SLC71A1: variants seen among roughly 807,000 people sequenced by gnomAD.
SLC71A1 encodes hippocampus abundant gene transcript 1.
chr1:100,077,187 T>C, the SLC71A1 span: 5 of 1,512,180 alleles, frequency 3.3e-6, no homozygotes, highest in African/African-American at 7.0e-5. Flanking sequence ...AGTTTACTTA[T>C]GAGGTCAATT....
chr1:100,078,723 A>G, the SLC71A1 span: 1 of 511,028 alleles, frequency 2.0e-6, no homozygotes, highest in South Asian at 3.1e-5. Flanking sequence ...GTAGATACAT[A>G]TTCCCTTTTC....
the SLC71A1 span, among the ~76,000 whole-genome samples, chr1:100,067,771 C>G: frequency 6.6e-6 from 1 of 152,172 alleles, no homozygotes; most frequent in Non-Finnish European, 1.5e-5. Context: ...GATGGCACCA[C>G]TGCACTCCAG....
At chr1:100,077,793 GC>G in the SLC71A1 span, among the ~76,000 whole-genome samples, 2 of 152,156 alleles carry the variant, frequency 1.3e-5, no homozygotes, top group Non-Finnish European at 2.9e-5. Flanking sequence ...TTGTCAGGCT[GC>G]CCACGTAGAT....
At chr1:100,080,423 A>G in the SLC71A1 span, 2 of 1,201,344 alleles carry the variant, frequency 1.7e-6, no homozygotes, top group Non-Finnish European at 2.4e-6. Flanking sequence ...GTGATTTCAT[A>G]TTTGTACTGG....
At chr1:100,062,053 G>A in the SLC71A1 span, 6 of 669,648 alleles carry the variant, frequency 9.0e-6, no homozygotes, top group East Asian at 1.8e-4. Flanking sequence ...CAAGATTTTT[G>A]CGTAAAATAT....
the SLC71A1 span, chr1:100,080,354 T>A: frequency 1.5e-6 from 1 of 661,672 alleles, no homozygotes; most frequent in East Asian, 2.7e-5. Flanking sequence ...ATATTAATAG[T>A]TTTTAATGAC....
the SLC71A1 span, among the ~76,000 whole-genome samples, chr1:100,052,921 C>A: frequency 1.3e-5 from 2 of 151,984 alleles, no homozygotes; most frequent in East Asian, 1.9e-4. Flanking sequence ...GTAGCTGGGA[C>A]TATAGGCACG....
At chr1:100,065,224 G>C in the SLC71A1 span, among the ~76,000 whole-genome samples, 1 of 152,096 alleles carries the variant, frequency 6.6e-6, no homozygotes, top group Non-Finnish European at 1.5e-5. Context: ...TCAGTTGATG[G>C]ACATTTGATT....
the SLC71A1 span, among the ~76,000 whole-genome samples, chr1:100,054,910 T>C: frequency 6.6e-6 from 1 of 152,074 alleles, no homozygotes; most frequent in East Asian, 1.9e-4. Flanking sequence ...GAGAAAAAAG[T>C]TAGGTAGCAG....
the SLC71A1 span, chr1:100,081,886 T>G: frequency 1.4e-6 from 1 of 738,712 alleles, no homozygotes; most frequent in Non-Finnish European, 2.2e-6. Context: ...ATTATGGCTT[T>G]AATAAAGAGA....
the SLC71A1 span, among the ~76,000 whole-genome samples, chr1:100,054,880 C>G: frequency 6.6e-6 from 1 of 152,050 alleles, no homozygotes; most frequent in South Asian, 2.1e-4. Flanking sequence ...TTGTATGGCC[C>G]CAAAGGAGAA....
chr1:100,038,508 GC>G, the SLC71A1 span, among the ~76,000 whole-genome samples: 1 of 152,174 alleles, frequency 6.6e-6, no homozygotes, highest in Non-Finnish European at 1.5e-5. Flanking sequence ...GCTCGGGCTT[GC>G]GGCCTCCGGG....
chr1:100,075,495 T>C, the SLC71A1 span, among the ~76,000 whole-genome samples: 6 of 152,198 alleles, frequency 3.9e-5, no homozygotes, highest in East Asian at 1.2e-3. Flanking sequence ...TCCCTGTTCT[T>C]CTCAGACAGT....
At chr1:100,059,770 A>T in the SLC71A1 span, 2 of 909,678 alleles carry the variant, frequency 2.2e-6, no homozygotes, top group African/African-American at 1.7e-5. Context: ...TGATATATTT[A>T]CTTTAGAAAC....
chr1:100,049,077 G>A, the SLC71A1 span, among the ~76,000 whole-genome samples: 4 of 152,142 alleles, frequency 2.6e-5, no homozygotes, highest in Non-Finnish European at 5.9e-5. Context: ...TCTTGTTTGA[G>A]CTGATTCAGA....
chr1:100,039,619 CATA>C, the SLC71A1 span, among the ~76,000 whole-genome samples: 1 of 152,126 alleles, frequency 6.6e-6, no homozygotes, highest in African/African-American at 2.4e-5. Context: ...TATGAAGAGT[CATA>C]GCTCTTTTGA....
chr1:100,040,078 A>G, the SLC71A1 span, among the ~76,000 whole-genome samples: 3 of 152,200 alleles, frequency 2.0e-5, no homozygotes, highest in African/African-American at 4.8e-5. Flanking sequence ...CATGGGGGCT[A>G]TTATCATTTC....
the SLC71A1 span, among the ~76,000 whole-genome samples, chr1:100,038,524 G>C: frequency 6.6e-6 from 1 of 152,148 alleles, no homozygotes; most frequent in Non-Finnish European, 1.5e-5. Context: ...TCCGGGGCCC[G>C]TCCTCTTTCT....
At chr1:100,058,855 A>G in the SLC71A1 span, 4 of 493,058 alleles carry the variant, frequency 8.1e-6, no homozygotes, top group African/African-American at 8.0e-5. Flanking sequence ...TAATAACTTA[A>G]TTTTTATAAT....
Sources: gnomAD v4.1 joint callset for allele counts (sites outside exome capture counted in the v4.1 genomes callset) on GRCh38, gnomAD v4.1.1 for gene constraint, MANE v1.5 for transcripts, NCBI Gene and HGNC (gene_info 2026-07-23, HGNC 2026-07-21) for gene names.